ZNF408: variants seen among roughly 807,000 people sequenced by gnomAD.
The protein encoded by ZNF408 is zinc finger protein 408.
Under a neutral mutation model 27.6 loss-of-function variants are expected in ZNF408, and 24 were observed. That is an observed-to-expected ratio of 0.87 (90% CI 0.63 to 1.22). ZNF408 has a LOEUF of 1.22. Ranked by LOEUF, ZNF408 falls within the 50% of genes most tolerant of loss-of-function variation. ZNF408 has a pLI of 0.00. For synonymous variants in ZNF408, 410 were observed against 396.1 expected (o/e 1.04, Z -0.42); for missense variants, 897 against 949.0 (o/e 0.95, Z 0.72).
In ZNF408 at chr11:46,701,412, C is replaced by T. The variant is rs912174904; in HGVS notation, c.66C>T (p.Arg22=). Residue 22 remains arginine (R), a synonymous_variant, in exon 2 of 5, where the codon CGC becomes CGT. Transcript: ENST00000311764. ...KKALQLAREP[R]LGLDLGWNPS... ...TTCTCTCTGCAGCCCGCGAGCCGCG[C>T]CTGGGCCTGGACTTAGGATGGAACC... 3 of 1,613,136 alleles carry T rather than the reference C, an allele frequency of 1.9e-6. No homozygotes were observed. The African/African-American group carries it at 4.0e-5, about 22-fold the overall frequency.
At position 46,704,712 on chromosome 11, in the gene ZNF408, A is replaced by G; in HGVS notation, c.1012A>G (p.Ser338Gly). 1 of 1,607,378 alleles carries G rather than the reference A, an allele frequency of 6.2e-7. No homozygotes were observed. Among genetic ancestry groups the G allele is most frequent in the Non-Finnish European group, 8.5e-7 (1 of 1,177,116 alleles). ...GTCTGGCTTCCCTACACTCTCGCGG[A>G]GCCCTCCTGGCCCAGCAGGAAGCTC... ...QQSGFPTLSR[S>G]PPGPAGSSPK... The change falls in exon 5 of 5, where the codon AGC becomes GGC. Residue 338 changes from serine (S) to glycine (G), a missense_variant. By Grantham distance (56) the Ser-to-Gly change is moderately conservative. Coordinates refer to ENST00000311764, the MANE Select transcript of ZNF408 (RefSeq NM_024741.3).
rs754488553 is a variant in ZNF408, at chr11:46,704,440, A to G, written c.740A>G (p.Lys247Arg). ...LKFPTQDRIS[K>R]DSQPLGPLLQ... ...TTCCCAACCCAGGACCGAATTTCCA[A>G]GGATAGCCAGCCACTTGGCCCATTG... Residue 247 changes from lysine to arginine, a missense_variant, in exon 5 of 5, where the codon AAG (lysine) becomes AGG (arginine). Transcript: ENST00000311764. 1 of 1,614,140 alleles carries G rather than the reference A, an allele frequency of 6.2e-7. No individual in the cohort carries two copies. The highest frequency in any genetic ancestry group is 2.2e-5 in the East Asian group (1 of 44,888).
At chr11:46,704,215 T>C in intron 4 of ZNF408, 138 bp from the exon 5 acceptor site, 2 of 887,960 alleles carry the variant, frequency 2.3e-6, no homozygotes, top group East Asian at 5.3e-5. Flanking sequence ...CACCCCATGC[T>C]CCAGGGAAGA....
chr11:46,705,045 C>T lies in ZNF408; in HGVS notation c.1345C>T (p.Arg449Trp), dbSNP rs373245310. 24 of 1,613,016 alleles carry T rather than the reference C, an allele frequency of 1.5e-5. No homozygotes were observed. The highest frequency in any genetic ancestry group is 3.3e-5 in the Admixed American group (2 of 60,000). The change falls in exon 5 of 5, where the codon CGG (arginine) becomes TGG (tryptophan). Residue 449 changes from arginine (R) to tryptophan (W), a missense_variant. Physicochemically the swap from Arg to Trp is moderately radical, Grantham distance 101. Coordinates refer to ENST00000311764, the MANE Select transcript of ZNF408 (RefSeq NM_024741.3). The surrounding 1 kb of genome is among the most constrained non-coding windows in gnomAD (Gnocchi z 6.5). ...CCAGTGTGGCAAGGCCTTTGCCCGC[C>T]GGCCCTCCCTGCGGCTGCATCGCAA... ...CDQCGKAFAR[R>W]PSLRLHRKTH...
intron 2 of ZNF408, chr11:46,701,953 C>T: frequency 3.0e-6 from 1 of 335,566 alleles, no homozygotes; most frequent in Non-Finnish European, 5.4e-6. Context: ...CAAATTCCAG[C>T]TTTGTCACCT....
Position 46,705,173 on chromosome 11 carries a change from A to G in ZNF408, c.1473A>G (p.Thr491=), listed in dbSNP as rs1401836540. The change falls in exon 5 of 5, where the codon ACA becomes ACG. Residue 491 remains threonine (T), a synonymous_variant. Coordinates refer to ENST00000311764, the MANE Select transcript of ZNF408 (RefSeq NM_024741.3). The surrounding 1 kb of genome is among the most constrained non-coding windows in gnomAD (Gnocchi z 6.5). ...GSLRNHMRLH[T]GEKPFLCPHC... ...TGCGGAACCATATGAGGCTCCATAC[A>G]GGAGAAAAGCCTTTCCTGTGCCCGC... The G allele has an allele frequency of 1.1e-5, 18 of 1,611,452 alleles. No homozygotes were observed. The highest frequency in any genetic ancestry group is 1.4e-5 in the Non-Finnish European group (16 of 1,179,956).
chr11:46,701,119 C>T lies in ZNF408; in HGVS notation c.52+20C>T. 1.2e-6 allele frequency: 2 copies of T among 1,614,040 alleles called. No homozygotes were observed. Among genetic ancestry groups the T allele is most frequent in the Non-Finnish European group, 1.7e-6 (2 of 1,179,990 alleles). On this transcript the variant is annotated intron_variant, in intron 1 of 4. Transcript: ENST00000311764. ...AACTCGGTGAGTGACCTGCGATGTC[C>T]GCGACCCTCAACCTTGGCCCAGGTG...
Position 46,704,338 on chromosome 11 carries a change from A to G in ZNF408, c.653-15A>G, listed in dbSNP as rs1311901474. The G allele has an allele frequency of 1.9e-6, 3 of 1,571,776 alleles. No homozygotes were observed. Among genetic ancestry groups the G allele is most frequent in the Admixed American group, 3.6e-5 (2 of 55,542 alleles). On this transcript the variant is annotated splice_polypyrimidine_tract_variant and intron_variant, in intron 4 of 4. Coordinates refer to ENST00000311764, the MANE Select transcript of ZNF408 (RefSeq NM_024741.3). ...TGAAGCTCCCTAAACCCAGTACCCCATCCTTGCCTTGCAGATCCTGGTTCC... is the reference window on the plus strand; with the variant it reads ...TGAAGCTCCCTAAACCCAGTACCCCGTCCTTGCCTTGCAGATCCTGGTTCC...
chr11:46,704,650 C>T lies in ZNF408; in HGVS notation c.950C>T (p.Pro317Leu), dbSNP rs759183860. Reference sequence around the variant, plus strand: ...TTACACAGCCCCAGTGATCAGTGCCCACCCAGAGCAAAGACCCCAGAGCCT... The same window carrying T: ...TTACACAGCCCCAGTGATCAGTGCCTACCCAGAGCAAAGACCCCAGAGCCT... ...KKLHSPSDQC[P>L]PRAKTPEPGA... The change falls in exon 5 of 5, where the codon CCA becomes CTA. Residue 317 changes from proline (P) to leucine (L), a missense_variant. Transcript: ENST00000311764. The T allele has an allele frequency of 1.2e-6, 2 of 1,613,836 alleles. No individual in the cohort carries two copies. The highest frequency in any genetic ancestry group is 1.1e-5 in the South Asian group (1 of 91,082).
chr11:46,704,184 C>T (rs1029969268), intron 4 of ZNF408, among the ~76,000 whole-genome samples, 169 bp from the exon 5 acceptor site: 1 of 152,060 alleles, frequency 6.6e-6, no homozygotes, highest in African/African-American at 2.4e-5. Flanking sequence ...TAAGGCTGGA[C>T]AGGAAGATAA....
In ZNF408 at chr11:46,704,773, G is replaced by A; in HGVS notation, c.1073G>A (p.Cys358Tyr). ...GGGCGACGGTACCGGTGTGGAGAGT[G>A]TGGCAAGGCATTCCTACAGCTGTGC... ...KQGRRYRCGE[C>Y]GKAFLQLCHL... Residue 358 changes from cysteine to tyrosine, a missense_variant, in exon 5 of 5, where the codon TGT (cysteine) becomes TAT (tyrosine). Physicochemically the swap from Cys to Tyr is radical, Grantham distance 194. Transcript: ENST00000311764. The A allele has an allele frequency of 1.3e-6, 2 of 1,596,934 alleles. No homozygotes were observed. Among genetic ancestry groups the A allele is most frequent in the South Asian group, 2.3e-5 (2 of 88,854 alleles).
intron 1 of ZNF408, 128 bp from the exon 2 acceptor site, chr11:46,701,271 C>A: frequency 1.3e-6 from 2 of 1,554,140 alleles, no homozygotes; most frequent in Non-Finnish European, 1.8e-6. Context: ...CTTTCAGGGC[C>A]CTCCTTAGAG....
chr11:46,705,020 C>A lies in ZNF408; in HGVS notation c.1320C>A (p.Asp440Glu). The change falls in exon 5 of 5, where the codon GAC becomes GAA. Residue 440 changes from aspartate to glutamate, a missense_variant. Asp to Glu is a conservative substitution (Grantham distance 45). Transcript: ENST00000311764. This position sits in a 1 kb window ranked among gnomAD's most constrained non-coding sequence, Gnocchi z 6.5. ...VHSGARPFAC[D>E]QCGKAFARRP... ...CAGGTGCCCGGCCCTTTGCTTGTGA[C>A]CAGTGTGGCAAGGCCTTTGCCCGCC... 1 of 1,613,310 alleles carries A rather than the reference C, an allele frequency of 6.2e-7. No individual in the cohort carries two copies. Among genetic ancestry groups the A allele is most frequent in the South Asian group, 1.1e-5 (1 of 91,078 alleles).
At position 46,703,188 on chromosome 11, in the gene ZNF408, T is replaced by G; in HGVS notation, c.597T>G (p.Ser199=). 6.2e-7 allele frequency: 1 copy of G among 1,613,338 alleles called. No individual in the cohort carries two copies. Among genetic ancestry groups the G allele is most frequent in the Non-Finnish European group, 8.5e-7 (1 of 1,179,876 alleles). ...AAVAVVTEVE[S]AVQQEVASPG... is the part of the protein sequence containing the mutation. The stretch of plus-strand genomic sequence containing the variant: ...TAGCAGTGGTGACAGAAGTGGAGTC[T>G]GCTGTACAGCAGGAAGTGGCCTCCC... The change falls in exon 4 of 5, where the codon TCT becomes TCG. Residue 199 remains serine (S), a synonymous_variant. Coordinates refer to ENST00000311764, the MANE Select transcript of ZNF408 (RefSeq NM_024741.3).
chr11:46,703,679 C>T (rs1251102970), intron 4 of ZNF408, among the ~76,000 whole-genome samples: 1 of 150,740 alleles, frequency 6.6e-6, no homozygotes, highest in African/African-American at 2.5e-5. Context: ...TTCTCTCTGG[C>T]GTGGGGGTTC....
Position 46,704,751 on chromosome 11 carries a change from C to G in ZNF408, c.1051C>G (p.Arg351Gly). 1.3e-6 allele frequency: 2 copies of G among 1,595,088 alleles called. No individual in the cohort carries two copies. The highest frequency in any genetic ancestry group is 1.7e-6 in the Non-Finnish European group (2 of 1,171,390). ...AGCAGGAAGCTCCCCAAAGCAGGGGCGACGGTACCGGTGTGGAGAGTGTGG... is the reference window on the plus strand; with the variant it reads ...AGCAGGAAGCTCCCCAAAGCAGGGGGGACGGTACCGGTGTGGAGAGTGTGG... ...GPAGSSPKQG[R>G]RYRCGECGKA... The change falls in exon 5 of 5, where the codon CGA becomes GGA. Residue 351 changes from arginine to glycine, a missense_variant. Physicochemically the swap from Arg to Gly is moderately radical, Grantham distance 125 (BLOSUM62 -2). Transcript: ENST00000311764.
chr11:46,701,132 C>T (rs752810616), intron 1 of ZNF408, 33 bp downstream of exon 1: 4 of 1,614,030 alleles, frequency 2.5e-6, no homozygotes, highest in East Asian at 2.2e-5. Context: ...GACCCTCAAC[C>T]TTGGCCCAGG....
Position 46,705,648 on chromosome 11 carries a change from G to GTGC in ZNF408, c.1950_1952dup (p.Leu652dup), listed in dbSNP as rs1304532014. The GTGC allele has an allele frequency of 6.2e-7, 1 of 1,613,502 alleles. No homozygotes were observed. Among genetic ancestry groups the GTGC allele is most frequent in the Non-Finnish European group, 8.5e-7 (1 of 1,180,030 alleles). On this transcript the variant is annotated inframe_insertion, in exon 5 of 5. Transcript: ENST00000311764. This position sits in a 1 kb window ranked among gnomAD's most constrained non-coding sequence, Gnocchi z 6.5. Reference sequence around the variant, plus strand: ...TTCTGCTGCTTCTGAGCCCACTGTGGTGCTCCTGCAGGCTGAGCCACAACT... The same window carrying GTGC: ...TTCTGCTGCTTCTGAGCCCACTGTGGTGCTGCTCCTGCAGGCTGAGCCACAACT...
rs758420858 is a variant in ZNF408, at chr11:46,703,042, G to A, written c.451G>A (p.Glu151Lys). 1.1e-5 allele frequency: 18 copies of A among 1,613,888 alleles called. No individual in the cohort carries two copies. The highest frequency in any genetic ancestry group is 1.1e-5 in the South Asian group (1 of 91,074). ...EGNVAPVRIS[E>K]RLHLQVYQLV... ...AAATGTGGCCCCAGTGCGGATCAGC[G>A]AGAGGCTTCATCTGCAAGTGTACCA... Residue 151 changes from glutamate (E) to lysine (K), a missense_variant, in exon 4 of 5, where the codon GAG becomes AAG. Coordinates refer to ENST00000311764, the MANE Select transcript of ZNF408 (RefSeq NM_024741.3).
Sources: gnomAD v4.1 joint callset for allele counts (sites outside exome capture counted in the v4.1 genomes callset) on GRCh38, gnomAD v4.1.1 for gene constraint, Gnocchi (gnomAD v3.1) non-coding constraint, MANE v1.5 for transcripts, NCBI Gene and HGNC (gene_info 2026-07-23, HGNC 2026-07-21) for gene names.